The following IL5RA variants were observed in gnomAD, a reference collection of about 807,000 sequenced individuals.
IL5RA encodes interleukin-5 receptor subunit alpha.
A neutral mutation model predicts 50.0 loss-of-function variants in IL5RA; 49 were observed. That is an observed-to-expected ratio of 0.98 (90% CI 0.78 to 1.24). The LOEUF (loss-of-function observed/expected upper bound fraction) is 1.24, where lower values mean the gene tolerates loss of function less well. IL5RA is among the 50% of genes most tolerant of loss of function. The pLI, the probability that IL5RA is intolerant of heterozygous loss-of-function variation, is 0.00. For missense variants in IL5RA, 600 were observed against 500.4 expected (o/e 1.20, Z -1.90); for synonymous variants, 202 against 174.0 (o/e 1.16, Z -1.26).
In IL5RA at chr3:3,098,197, T is replaced by C. The variant is rs908960538; in HGVS notation, c.461A>G (p.His154Arg). 1.9e-6 allele frequency: 3 copies of C among 1,614,146 alleles called. No individual in the cohort carries two copies. In the African/African-American group the frequency reaches 4.0e-5, roughly 22 times the overall value. The change falls in exon 6 of 12, where the codon CAC becomes CGC. Residue 154 changes from histidine (H) to arginine (R), a missense_variant. Coordinates refer to ENST00000446632, the MANE Select transcript of IL5RA (RefSeq NM_175726.4). ...ATCTGTGCCAACAAGCCAGGTGCAGTGAAGGGAAACTTGGTATGACCTTAA... is the reference window on the plus strand; with the variant it reads ...ATCTGTGCCAACAAGCCAGGTGCAGCGAAGGGAAACTTGGTATGACCTTAA... ...SRLRSYQVSL[H>R]CTWLVGTDAP...
chr3:3,076,624 T>G lies in IL5RA; in HGVS notation c.998A>C (p.Asn333Thr). ...SEWSQPIYVG[N>T]DEHKPLREWF... ...CTCTCTCAAGGGCTTGTGTTCATCA[T>G]TTCCTGGTGGAAAACAAAAAAGAAA... Residue 333 changes from asparagine (N) to threonine (T), a missense_variant, in exon 10 of 12, where the codon AAT (asparagine) becomes ACT (threonine). Coordinates refer to ENST00000446632, the MANE Select transcript of IL5RA (RefSeq NM_175726.4). The G allele has an allele frequency of 6.3e-7, 1 of 1,597,762 alleles. No individual in the cohort carries two copies.
rs530609569 is a variant in IL5RA at position 3,070,400 on chromosome 3, T to C, written c.1177-89A>G. ...TACAATTGGCTTTAAGTCTATTATT[T>C]TTTAAATAAAAATAGTAAATGTTCA... On this transcript the variant is annotated intron_variant, in intron 11 of 11. Coordinates refer to ENST00000446632, the MANE Select transcript of IL5RA (RefSeq NM_175726.4). The C allele has an allele frequency of 1.4e-5, 11 of 767,678 alleles. No homozygotes were observed. The South Asian group carries it at 1.7e-4, about 12-fold the overall frequency. The allele number at this position is 767,678 out of a possible 1,614,324, so 47.6% of individuals were successfully genotyped here.
intron 10 of IL5RA, among the ~76,000 whole-genome samples, chr3:3,075,562 G>A (rs1017510940): frequency 2.0e-5 from 3 of 150,038 alleles, no homozygotes; most frequent in South Asian, 2.1e-4. Flanking sequence ...GATGCCATCC[G>A]AATATAACGT....
At chr3:3,070,421 G>A (rs1182448744) in intron 11 of IL5RA, 110 bp from the exon 12 acceptor site, 15 of 670,024 alleles carry the variant, frequency 2.2e-5, no homozygotes, top group South Asian at 2.0e-5. Context: ...AATAGTAAAT[G>A]TTCACAAAGA....
At chr3:3,080,892 C>T (rs1401745692) in intron 9 of IL5RA, among the ~76,000 whole-genome samples, 1 of 152,134 alleles carries the variant, frequency 6.6e-6, no homozygotes, top group African/African-American at 2.4e-5. Context: ...GATGGGGCCT[C>T]AGTATGTTGC....
At chr3:3,085,968 GA>G (rs1559866588) in intron 9 of IL5RA, among the ~76,000 whole-genome samples, 2 of 151,234 alleles carry the variant, frequency 1.3e-5, no homozygotes, top group Non-Finnish European at 2.9e-5. Context: ...ATGAATGAGT[GA>G]TCTGAAAACG....
intron 5 of IL5RA, 62 bp downstream of exon 5, chr3:3,101,630 C>A: frequency 6.4e-7 from 1 of 1,555,568 alleles, no homozygotes. Flanking sequence ...GTTAATTTTT[C>A]TACTTTTCCA....
chr3:3,081,398 G>A (rs970955487), intron 9 of IL5RA, among the ~76,000 whole-genome samples: 3 of 152,166 alleles, frequency 2.0e-5, no homozygotes, highest in African/African-American at 7.2e-5. Context: ...ACCACATTCA[G>A]AAACTGCAGG....
intron 9 of IL5RA, 93 bp from the exon 10 acceptor site, chr3:3,076,720 T>A: frequency 3.9e-6 from 3 of 767,686 alleles, no homozygotes; most frequent in Non-Finnish European, 6.5e-6. Flanking sequence ...ATCAGACAGC[T>A]CAGGTTTGAG....
intron 3 of IL5RA, 163 bp from the exon 4 acceptor site, chr3:3,102,983 A>G: frequency 1.9e-6 from 1 of 525,118 alleles, no homozygotes; most frequent in Non-Finnish European, 3.3e-6. Flanking sequence ...GCAAAGAGAA[A>G]GTGGCTATTT....
intron 2 of IL5RA, among the ~76,000 whole-genome samples, chr3:3,105,902 A>C (rs905521671): frequency 6.6e-6 from 1 of 152,216 alleles, no homozygotes; most frequent in Admixed American, 6.5e-5. Context: ...ATATTTCATA[A>C]GAACTTAACT....
intron 9 of IL5RA, among the ~76,000 whole-genome samples, chr3:3,078,904 T>C (rs1262269509): frequency 1.3e-5 from 2 of 152,196 alleles, no homozygotes; most frequent in Admixed American, 1.3e-4. Flanking sequence ...CACTGCTTTT[T>C]TAATCACAGT....
chr3:3,102,768 T>C lies in IL5RA; in HGVS notation c.135A>G (p.Gln45=). 6.2e-6 allele frequency: 10 copies of C among 1,612,110 alleles called. No individual in the cohort carries two copies. Among genetic ancestry groups the C allele is most frequent in the Non-Finnish European group, 7.6e-6 (9 of 1,178,638 alleles). Residue 45 remains glutamine (Q), a synonymous_variant, in exon 4 of 12, where the codon CAA becomes CAG. Coordinates refer to ENST00000446632, the MANE Select transcript of IL5RA (RefSeq NM_175726.4). The stretch of plus-strand genomic sequence containing the variant: ...GATTTGGTTTCCATTGTAAAAGAAC[T>C]TGAGCCAAACCAGTAACTTTAATGG... The part of the protein sequence containing the change: ...NFTIKVTGLA[Q]VLLQWKPNPD...
intron 7 of IL5RA, among the ~76,000 whole-genome samples, chr3:3,097,505 G>A (rs912829023): frequency 7.2e-5 from 11 of 152,080 alleles, no homozygotes; most frequent in African/African-American, 2.7e-4. Context: ...CACTTTTTCT[G>A]GTGCAGTGAT....
At chr3:3,072,456 G>C (rs1442781291) in intron 11 of IL5RA, among the ~76,000 whole-genome samples, 2 of 152,162 alleles carry the variant, frequency 1.3e-5, no homozygotes, top group African/African-American at 4.8e-5. Flanking sequence ...CACATGACTT[G>C]ATTTTAATTA....
chr3:3,103,776 T>C (rs1703770240), intron 3 of IL5RA, among the ~76,000 whole-genome samples: 1 of 115,760 alleles, frequency 8.6e-6, no homozygotes, highest in Non-Finnish European at 1.8e-5. Flanking sequence ...AATTAACATA[T>C]GATATATTCG....
chr3:3,076,016 A>G (rs3792424), intron 10 of IL5RA, among the ~76,000 whole-genome samples: 16,598 of 152,202 alleles, frequency 0.11, 1,190 homozygotes, highest in African/African-American at 0.21. Flanking sequence ...CTTATGGACC[A>G]TTTGTGGACT....
At chr3:3,086,205 T>C in intron 9 of IL5RA, among the ~76,000 whole-genome samples, 1 of 152,200 alleles carries the variant, frequency 6.6e-6, no homozygotes, top group East Asian at 1.9e-4. Flanking sequence ...TAGACCCACA[T>C]AAGTCTCTTT....
At chr3:3,072,203 C>G (rs1702324180) in intron 11 of IL5RA, among the ~76,000 whole-genome samples, 1 of 152,224 alleles carries the variant, frequency 6.6e-6, no homozygotes, top group Non-Finnish European at 1.5e-5. Flanking sequence ...TGCACTGGCT[C>G]TCATCCCCTC....
Sources: allele counts gnomAD v4.1 joint callset (sites outside exome capture counted in the v4.1 genomes callset), GRCh38; gene constraint gnomAD v4.1.1; transcripts MANE v1.5; gene names NCBI Gene and HGNC (gene_info 2026-07-23, HGNC 2026-07-21).